The following CDH4 variants were observed in gnomAD, a reference collection of about 807,000 sequenced individuals.
CDH4 encodes the protein cadherin 4.
A neutral mutation model predicts 86.0 loss-of-function variants in CDH4; 33 were observed. The ratio of observed to expected loss-of-function variants is 0.38; its 90% CI spans 0.29 to 0.51. The LOEUF (loss-of-function observed/expected upper bound fraction) is 0.51. Among genes scored for constraint, CDH4 ranks in the 20% least tolerant of loss-of-function variants. CDH4 has a pLI of 0.86. For synonymous variants in CDH4, 555 were observed against 549.4 expected, an observed-to-expected ratio of 1.01 and a Z score of -0.14; for missense variants, 1,114 against 1,307.4, an observed-to-expected ratio of 0.85 and a Z score of 2.28.
chr20:61,767,196 G>T (rs186888240), intron 3 of CDH4, among the ~76,000 whole-genome samples: 5 of 152,350 alleles, frequency 3.3e-5, no homozygotes, highest in Middle Eastern at 3.4e-3. Flanking sequence ...ACATGAGCAT[G>T]CAGGAGACAG....
chr20:61,637,769 C>T (rs531322822), intron 2 of CDH4, among the ~76,000 whole-genome samples: 4 of 152,120 alleles, frequency 2.6e-5, no homozygotes, highest in Admixed American at 2.6e-4. Flanking sequence ...GCCTGTAATC[C>T]CAGCACTTTG....
intron 5 of CDH4, among the ~76,000 whole-genome samples, chr20:61,851,448 G>C (rs1420907933): frequency 6.6e-6 from 1 of 152,228 alleles, no homozygotes; most frequent in Non-Finnish European, 1.5e-5. Context: ...GAGTTCGGGG[G>C]AGTGGCAGCG....
rs113474630 is a variant in CDH4 at position 61,583,738 on chromosome 20, GTC to G, written c.170-159823_170-159822del. On this transcript the variant is annotated intron_variant, in intron 2 of 15. Coordinates refer to ENST00000614565, the MANE Select transcript of CDH4 (RefSeq NM_001794.5). Reference sequence around the variant, plus strand: ...CAACTTTGATATCTTATTACTCAGTGTCTATGAGACTCCTCTCCTGCCTGCCC... The same window carrying G: ...CAACTTTGATATCTTATTACTCAGTGTATGAGACTCCTCTCCTGCCTGCCC... 6.2e-4 allele frequency among the ~76,000 whole-genome samples: 95 copies of G among 152,358 alleles called. 1 individual carries two copies. The highest frequency in any genetic ancestry group is 2.2e-3 in the African/African-American group (91 of 41,584).
chr20:61,856,730 C>G (rs1600715459), intron 6 of CDH4, among the ~76,000 whole-genome samples: 1 of 152,374 alleles, frequency 6.6e-6, no homozygotes, highest in South Asian at 2.1e-4. Context: ...ACTGACCTGC[C>G]CTGCTGGGCT....
Position 61,269,663 on chromosome 20 carries a change from C to T in CDH4, c.169+14726C>T, listed in dbSNP as rs1017267919. Among the ~76,000 whole-genome samples the T allele has an allele frequency of 2.0e-5, 3 of 152,088 alleles. No homozygotes were observed. Among genetic ancestry groups the T allele is most frequent in the South Asian group, 2.1e-4 (1 of 4,820 alleles). ...AATGTAAACACATCAGGCCCTGCTC[C>T]GCCAAGCAGACCCCAGTCCTGCCAG... On this transcript the variant is annotated intron_variant, in intron 2 of 15. Coordinates refer to ENST00000614565, the MANE Select transcript of CDH4 (RefSeq NM_001794.5). The surrounding 1 kb of genome is among the most constrained non-coding windows in gnomAD (Gnocchi z 5.3).
At chr20:61,266,364 A>C (rs2084158212) in intron 2 of CDH4, among the ~76,000 whole-genome samples, 1 of 151,970 alleles carries the variant, frequency 6.6e-6, no homozygotes, top group South Asian at 2.1e-4. Flanking sequence ...CAGAGGAGAA[A>C]GGCTTGCTTT....
chr20:61,501,226 T>TGA lies in CDH4; in HGVS notation c.170-242336_170-242335dup, dbSNP rs1182294769. Among the ~76,000 whole-genome samples, 2 of 152,192 alleles carry TGA rather than the reference T, an allele frequency of 1.3e-5. No homozygotes were observed. The highest frequency in any genetic ancestry group is 6.5e-5 in the Admixed American group (1 of 15,280). ...ATCCGCCATCTCCAGTCTCCTTATC[T>TGA]GATGTTTAGAGCTTCATAGTTTAAA... On this transcript the variant is annotated intron_variant, in intron 2 of 15. Transcript: ENST00000614565. This position sits in a 1 kb window ranked among gnomAD's most constrained non-coding sequence, Gnocchi z 4.2.
intron 2 of CDH4, among the ~76,000 whole-genome samples, chr20:61,268,372 G>A (rs1023893554): frequency 1.3e-5 from 2 of 152,270 alleles, no homozygotes; most frequent in East Asian, 3.8e-4. Flanking sequence ...AGTGGGAGCC[G>A]AGTGGGACCT....
At position 61,684,810 on chromosome 20, in the gene CDH4, G is replaced by A. The variant is rs1001342259; in HGVS notation, c.170-58753G>A. ...CCTGCCGTGACCACCCCTCGATGTG[G>A]GTGAGGTTTCTAAACTGCTCCTGAA... is the stretch of plus-strand genomic sequence containing the variant. On this transcript the variant is annotated intron_variant, in intron 2 of 15. Coordinates refer to ENST00000614565, the MANE Select transcript of CDH4 (RefSeq NM_001794.5). This position sits in a 1 kb window ranked among gnomAD's most constrained non-coding sequence, Gnocchi z 4.5. 2.6e-5 allele frequency among the ~76,000 whole-genome samples: 4 copies of A among 152,222 alleles called. No individual in the cohort carries two copies. Among genetic ancestry groups the A allele is most frequent in the African/African-American group, 9.6e-5 (4 of 41,520 alleles).
At chr20:61,751,857 A>G (rs1188728750) in intron 3 of CDH4, among the ~76,000 whole-genome samples, 2 of 152,234 alleles carry the variant, frequency 1.3e-5, no homozygotes, top group African/African-American at 4.8e-5. Flanking sequence ...TTAAGAAAAA[A>G]GTAAAATGAC....
chr20:61,818,083 G>A (rs1980822704), intron 4 of CDH4, among the ~76,000 whole-genome samples: 1 of 151,982 alleles, frequency 6.6e-6, no homozygotes, highest in Admixed American at 6.5e-5. Flanking sequence ...AGGCTGGAGT[G>A]CAATGGTGCG....
At chr20:61,857,490 G>A (rs1568852525) in intron 6 of CDH4, among the ~76,000 whole-genome samples, 1 of 152,248 alleles carries the variant, frequency 6.6e-6, no homozygotes, top group Non-Finnish European at 1.5e-5. Context: ...GAAATGACGG[G>A]AGGGCCGAGG....
At chr20:61,777,641 T>C (rs59201458) in intron 4 of CDH4, among the ~76,000 whole-genome samples, 48,585 of 103,164 alleles carry the variant, frequency 0.47, 10,577 homozygotes, top group East Asian at 0.61. Flanking sequence ...AACACACGTC[T>C]ACACACGCAC....
chr20:61,765,517 C>A (rs1039398901), intron 3 of CDH4, among the ~76,000 whole-genome samples: 1 of 152,190 alleles, frequency 6.6e-6, no homozygotes, highest in African/African-American at 2.4e-5. Context: ...AACAGACAGG[C>A]CGGGCTCTCA....
chr20:61,565,173 T>A (rs113768042), intron 2 of CDH4, among the ~76,000 whole-genome samples: 1,241 of 78,980 alleles, frequency 0.016, 125 homozygotes, highest in African/African-American at 0.032. Context: ...GGTGATGGGG[T>A]GGTGGTGGTG....
chr20:61,455,828 C>A (rs1018093930), intron 2 of CDH4, among the ~76,000 whole-genome samples: 8 of 152,134 alleles, frequency 5.3e-5, no homozygotes, highest in Non-Finnish European at 1.0e-4. Context: ...ATGTCATCTG[C>A]AGCATGGGAC....
chr20:61,487,043 C>T (rs1048746802), intron 2 of CDH4, among the ~76,000 whole-genome samples: 1 of 152,116 alleles, frequency 6.6e-6, no homozygotes, highest in Non-Finnish European at 1.5e-5. Context: ...AGATTTTCTC[C>T]TATGTTATCT....
intron 4 of CDH4, among the ~76,000 whole-genome samples, chr20:61,842,121 C>T (rs1028188833): frequency 7.2e-5 from 11 of 152,342 alleles, no homozygotes; most frequent in African/African-American, 2.4e-4. Flanking sequence ...CTCTATCAAA[C>T]GTGCTTTGAG....
chr20:61,723,448 C>T (rs1467929170), intron 2 of CDH4, among the ~76,000 whole-genome samples: 3 of 152,152 alleles, frequency 2.0e-5, no homozygotes, highest in Non-Finnish European at 2.9e-5. Context: ...GGCCTGCAGC[C>T]TCCTCCGGGC....
Sources: gnomAD v4.1 joint callset for allele counts (sites outside exome capture counted in the v4.1 genomes callset) on GRCh38, gnomAD v4.1.1 for gene constraint, Gnocchi (gnomAD v3.1) non-coding constraint, MANE v1.5 for transcripts, NCBI Gene and HGNC (gene_info 2026-07-23, HGNC 2026-07-21) for gene names.